The following GRIA2 variants were observed in gnomAD, a reference collection of about 807,000 sequenced individuals.
The protein encoded by GRIA2 is glutamate receptor 2.
A neutral mutation model predicts 97.3 loss-of-function variants in GRIA2; 14 were observed. The observed-to-expected ratio is 0.14, with a 90% CI of 0.10 to 0.23. GRIA2 has a LOEUF of 0.23. Ranked by LOEUF, GRIA2 falls within the 10% of genes least tolerant of loss-of-function variation. GRIA2 has a pLI of 1.00. For synonymous variants in GRIA2, 412 were observed against 387.8 expected, an observed-to-expected ratio of 1.06 and a Z score of -0.73; for missense variants, 558 against 1,069.8, an observed-to-expected ratio of 0.52 and a Z score of 6.67.
chr4:157,355,352 A>G (rs1736204466), intron 12 of GRIA2, among the ~76,000 whole-genome samples: 1 of 151,608 alleles, frequency 6.6e-6, no homozygotes, highest in Admixed American at 6.6e-5. Flanking sequence ...ACATGGTGAA[A>G]CCCCATCTCT....
At chr4:157,360,912 G>A (rs1736604806) in intron 13 of GRIA2, 98 bp from the exon 14 acceptor site, 2 of 836,618 alleles carry the variant, frequency 2.4e-6, no homozygotes, top group South Asian at 1.6e-5. Context: ...TGTGACAAGA[G>A]TTGCCACAGA....
intron 2 of GRIA2, among the ~76,000 whole-genome samples, chr4:157,243,794 G>A (rs570558340): frequency 6.6e-6 from 1 of 152,128 alleles, no homozygotes; most frequent in African/African-American, 2.4e-5. Flanking sequence ...CTTTACATAG[G>A]CTTACCAGAA....
chr4:157,317,472 AC>A (rs1205112501), intron 4 of GRIA2, among the ~76,000 whole-genome samples, 185 bp from the exon 5 acceptor site: 2 of 152,136 alleles, frequency 1.3e-5, no homozygotes, highest in Admixed American at 6.5e-5. Flanking sequence ...ATGTATTATT[AC>A]TTTTTATGAG....
intron 2 of GRIA2, 57 bp downstream of exon 2, chr4:157,221,864 G>C (rs1002897105): frequency 7.2e-6 from 11 of 1,526,244 alleles, no homozygotes; most frequent in Non-Finnish European, 9.1e-6. Context: ...CAGCGAGTGT[G>C]AGTGTGTGTG....
At position 157,343,138 on chromosome 4, in the gene GRIA2, C is replaced by A. The variant is rs192726268; in HGVS notation, c.2043+1676C>A. ...GAGCCCATTTGTTCCAATATGCAAT[C>A]GTGGAGGTTGTATAAGGTTGTGGAG... On this transcript the variant is annotated intron_variant, in intron 12 of 15. Transcript: ENST00000264426. Among the ~76,000 whole-genome samples, 12 of 152,078 alleles carry A rather than the reference C, an allele frequency of 7.9e-5. No individual in the cohort carries two copies. In the East Asian group the frequency reaches 1.9e-3, roughly 25 times the overall value.
intron 12 of GRIA2, among the ~76,000 whole-genome samples, chr4:157,355,985 A>G (rs1211418094): frequency 1.1e-5 from 1 of 93,804 alleles, no homozygotes; most frequent in Admixed American, 1.6e-4. Flanking sequence ...ATATATTTAT[A>G]TATTTATATA....
At chr4:157,341,823 A>T (rs1735562534) in intron 12 of GRIA2, among the ~76,000 whole-genome samples, 1 of 152,156 alleles carries the variant, frequency 6.6e-6, no homozygotes, top group South Asian at 2.1e-4. Context: ...GACTGCATGT[A>T]TCTTACCTAG....
chr4:157,355,862 T>C (rs1316989253), intron 12 of GRIA2, among the ~76,000 whole-genome samples: 1 of 99,374 alleles, frequency 1.0e-5, no homozygotes, highest in African/African-American at 4.3e-5. Context: ...TATATATGTA[T>C]ATATTAACAT....
At chr4:157,288,616 A>G (rs946847904) in intron 2 of GRIA2, among the ~76,000 whole-genome samples, 3 of 151,932 alleles carry the variant, frequency 2.0e-5, no homozygotes, top group Middle Eastern at 3.4e-3. Flanking sequence ...TCTTGTGTAT[A>G]CTTTATATAA....
At chr4:157,355,716 ATT>A (rs1736244690) in intron 12 of GRIA2, among the ~76,000 whole-genome samples, 4 of 85,410 alleles carry the variant, frequency 4.7e-5, no homozygotes, top group African/African-American at 2.1e-4. Flanking sequence ...GTATATATTT[ATT>A]TATATATTTA....
rs545346723 is a variant in GRIA2, at chr4:157,225,797, TA to T, written c.229+3997del. ...AACACAAGCGGTTTAATACAGCAAC[TA>T]AAAAAATCTGCCTTTTTGTGAAAAT... On this transcript the variant is annotated intron_variant, in intron 2 of 15. Transcript: ENST00000264426. Among the ~76,000 whole-genome samples the T allele has an allele frequency of 1.6e-3, 245 of 151,974 alleles. 2 individuals carry two copies. Among genetic ancestry groups the T allele is most frequent in the African/African-American group, 5.3e-3 (222 of 41,502 alleles).
intron 2 of GRIA2, among the ~76,000 whole-genome samples, chr4:157,240,699 T>C (rs1293110640): frequency 6.8e-6 from 1 of 148,126 alleles, no homozygotes; most frequent in African/African-American, 2.5e-5. Context: ...CTTAAGTTAC[T>C]TTCTTTTTTT....
chr4:157,314,526 A>G (rs1209337385), intron 4 of GRIA2, among the ~76,000 whole-genome samples: 1 of 152,168 alleles, frequency 6.6e-6, no homozygotes, highest in Non-Finnish European at 1.5e-5. Flanking sequence ...TCAAATGTGA[A>G]CCTCAAAAAT....
At chr4:157,312,994 C>T (rs111757154) in intron 4 of GRIA2, 119 bp downstream of exon 4, 7 of 549,940 alleles carry the variant, frequency 1.3e-5, no homozygotes, top group African/African-American at 2.0e-5. Flanking sequence ...TGTTTTATGT[C>T]GGATGCAGCA....
intron 12 of GRIA2, among the ~76,000 whole-genome samples, chr4:157,355,904 T>TATATTAATATATTTATATATAA (rs1560781024): frequency 7.3e-5 from 1 of 13,652 alleles, no homozygotes; most frequent in Non-Finnish European, 1.2e-4. Context: ...TATATATAAA[T>TATATTAATATATTTATATATAA]ATATATATAT....
chr4:157,284,974 T>C (rs1732771754), intron 2 of GRIA2, among the ~76,000 whole-genome samples: 1 of 151,748 alleles, frequency 6.6e-6, no homozygotes, highest in Non-Finnish European at 1.5e-5. Flanking sequence ...TGGTGTGTAC[T>C]TCTTTAAGTC....
chr4:157,320,150 A>C (rs1724238686), intron 5 of GRIA2, among the ~76,000 whole-genome samples: 1 of 152,146 alleles, frequency 6.6e-6, no homozygotes, highest in Non-Finnish European at 1.5e-5. Flanking sequence ...CTAGCATTGA[A>C]AAAATGGGAC....
At chr4:157,299,680 A>G (rs1251797011) in intron 2 of GRIA2, among the ~76,000 whole-genome samples, 1 of 152,146 alleles carries the variant, frequency 6.6e-6, no homozygotes, top group Non-Finnish European at 1.5e-5. Context: ...GCTTGTAATA[A>G]AAAGTGAAAT....
intron 2 of GRIA2, among the ~76,000 whole-genome samples, chr4:157,225,393 TA>T (rs963922356): frequency 1.3e-5 from 2 of 152,006 alleles, no homozygotes; most frequent in Admixed American, 6.6e-5. Context: ...CCTGTCTTCT[TA>T]GCTGAAAAGA....
Sources: allele counts gnomAD v4.1 joint callset (sites outside exome capture counted in the v4.1 genomes callset), GRCh38; gene constraint gnomAD v4.1.1; transcripts MANE v1.5; gene names NCBI Gene and HGNC (gene_info 2026-07-23, HGNC 2026-07-21).